PELI2: variants seen among roughly 807,000 people sequenced by gnomAD.
PELI2 encodes E3 ubiquitin-protein ligase pellino homolog 2.
In PELI2, 23 loss-of-function variants were observed where a neutral mutation model predicts 42.3. That is an observed-to-expected ratio of 0.54 (90% CI 0.39 to 0.77). The LOEUF (loss-of-function observed/expected upper bound fraction) is 0.77. PELI2 is among the 30% of genes least tolerant of loss of function. The probability of loss-of-function intolerance (pLI) is 0.00; values close to 1 mark genes in which losing one functional copy is unlikely to be tolerated. For missense variants in PELI2, 463 were observed against 553.2 expected (o/e 0.84, Z 1.64); for synonymous variants, 245 against 212.2 (o/e 1.15, Z -1.34).
intron 2 of PELI2, among the ~76,000 whole-genome samples, chr14:56,231,087 A>G (rs1279450852): frequency 6.6e-6 from 1 of 152,230 alleles, no homozygotes; most frequent in African/African-American, 2.4e-5. Context: ...CCAATATAAG[A>G]GCACCCAGAT....
At chr14:56,183,753 T>A (rs1885672520) in intron 2 of PELI2, among the ~76,000 whole-genome samples, 1 of 152,206 alleles carries the variant, frequency 6.6e-6, no homozygotes, top group Non-Finnish European at 1.5e-5. Flanking sequence ...TTTTATTGAT[T>A]TCATGAAGCT....
At chr14:56,182,007 G>A (rs1177479214) in intron 2 of PELI2, among the ~76,000 whole-genome samples, 4 of 152,086 alleles carry the variant, frequency 2.6e-5, no homozygotes, top group Non-Finnish European at 4.4e-5. Context: ...ATCATGCCAG[G>A]TATTGGATAT....
At chr14:56,153,589 G>A (rs543953976) in intron 1 of PELI2, among the ~76,000 whole-genome samples, 147 of 152,196 alleles carry the variant, frequency 9.7e-4, no homozygotes, top group Non-Finnish European at 1.8e-3. Context: ...AATTACATGA[G>A]TTAAAAATTT....
At chr14:56,191,607 G>A (rs1034709337) in intron 2 of PELI2, among the ~76,000 whole-genome samples, 3 of 152,270 alleles carry the variant, frequency 2.0e-5, no homozygotes, top group African/African-American at 7.2e-5. Flanking sequence ...AAAGGGTGTT[G>A]CTAGTACCCA....
intron 2 of PELI2, among the ~76,000 whole-genome samples, chr14:56,256,846 T>A (rs1888542627): frequency 6.6e-6 from 1 of 152,194 alleles, no homozygotes; most frequent in Non-Finnish European, 1.5e-5. Context: ...CTTTTTAGAA[T>A]GTATGTAGGC....
intron 3 of PELI2, among the ~76,000 whole-genome samples, chr14:56,286,299 T>A (rs903713260): frequency 1.2e-4 from 18 of 152,182 alleles, no homozygotes; most frequent in Non-Finnish European, 2.2e-4. Flanking sequence ...CAATATTTCA[T>A]CCTTATCCCA....
At chr14:56,221,956 G>A (rs2139750930) in intron 2 of PELI2, among the ~76,000 whole-genome samples, 1 of 152,220 alleles carries the variant, frequency 6.6e-6, no homozygotes, top group Admixed American at 6.5e-5. Flanking sequence ...CCTCTTGCCA[G>A]CCTCGAAGAG....
intron 1 of PELI2, among the ~76,000 whole-genome samples, chr14:56,120,918 G>A (rs1883037151): frequency 6.6e-6 from 1 of 152,080 alleles, no homozygotes; most frequent in Admixed American, 6.5e-5. Context: ...CTTTTTTCGA[G>A]GGTAGGTTTC....
At chr14:56,268,423 T>C (rs1177399793) in intron 2 of PELI2, among the ~76,000 whole-genome samples, 3 of 152,194 alleles carry the variant, frequency 2.0e-5, no homozygotes, top group Non-Finnish European at 2.9e-5. Context: ...TAGATAGATA[T>C]CTCCTTACAA....
chr14:56,274,043 G>A (rs946287858), intron 2 of PELI2, among the ~76,000 whole-genome samples: 44 of 152,120 alleles, frequency 2.9e-4, no homozygotes, highest in African/African-American at 9.7e-4. Flanking sequence ...GTCTCTCTCA[G>A]TGTCTCTCAT....
chr14:56,266,687 C>T (rs914665409), intron 2 of PELI2, among the ~76,000 whole-genome samples: 1 of 151,956 alleles, frequency 6.6e-6, no homozygotes, highest in African/African-American at 2.4e-5. Context: ...CAATAACTAT[C>T]AATATCAGAA....
intron 1 of PELI2, among the ~76,000 whole-genome samples, chr14:56,123,554 T>C (rs1375558261): frequency 6.6e-6 from 1 of 152,216 alleles, no homozygotes; most frequent in East Asian, 1.9e-4. Flanking sequence ...AACTTTAGCC[T>C]TGTTTGGAAT....
intron 1 of PELI2, among the ~76,000 whole-genome samples, chr14:56,140,635 C>A (rs1343397384): frequency 6.6e-6 from 1 of 152,218 alleles, no homozygotes; most frequent in Non-Finnish European, 1.5e-5. Context: ...GGATGTTTGT[C>A]AACTTCTCCT....
Position 56,288,745 on chromosome 14 carries a change from T to C in PELI2, c.507+111T>C, listed in dbSNP as rs1275019108. On this transcript the variant is annotated intron_variant, in intron 4 of 5. Coordinates refer to ENST00000267460, the MANE Select transcript of PELI2 (RefSeq NM_021255.3). The surrounding 1 kb of genome is among the most constrained non-coding windows in gnomAD (Gnocchi z 4.6). ...GCTTTGTATGTTGCCTCTAGTGAGA[T>C]TTTGAGATTTTAGTTTTCAGGTGGC... 1 of 745,180 alleles carries C rather than the reference T, an allele frequency of 1.3e-6. No homozygotes were observed. Among genetic ancestry groups the C allele is most frequent in the African/African-American group, 1.8e-5 (1 of 56,472 alleles). 46.2% of individuals were successfully genotyped at this position (745,180 alleles called of 1,614,324 possible). A position where few individuals can be genotyped will look rare whatever the true frequency, so the allele number is the denominator to read the frequency against.
chr14:56,199,345 G>A (rs1467186810), intron 2 of PELI2, among the ~76,000 whole-genome samples: 1 of 152,170 alleles, frequency 6.6e-6, no homozygotes, highest in Non-Finnish European at 1.5e-5. Context: ...GTTTATACAA[G>A]AGACGGTCTG....
chr14:56,163,014 TA>T (rs1339801409), intron 1 of PELI2, among the ~76,000 whole-genome samples: 5 of 152,194 alleles, frequency 3.3e-5, no homozygotes, highest in Admixed American at 6.5e-5. Context: ...AGAATAGTTT[TA>T]AAATATTTTC....
chr14:56,279,083 C>T (rs1377571668), intron 2 of PELI2, among the ~76,000 whole-genome samples: 2 of 152,140 alleles, frequency 1.3e-5, no homozygotes, highest in Non-Finnish European at 2.9e-5. Context: ...TTGCTAGTTA[C>T]CTTATTTATT....
In PELI2 at chr14:56,118,677, A is replaced by G. The variant is rs1487533003; in HGVS notation, c.17A>G (p.Gln6Arg). 1.3e-6 allele frequency: 2 copies of G among 1,500,198 alleles called. No individual in the cohort carries two copies. Among genetic ancestry groups the G allele is most frequent in the Non-Finnish European group, 1.8e-6 (2 of 1,123,468 alleles). The allele number at this position is 1,500,198 out of a possible 1,614,324, so 92.9% of individuals were successfully genotyped here. The change falls in exon 1 of 6, where the codon CAG (glutamine) becomes CGG (arginine). Residue 6 changes from glutamine (Q) to arginine (R), a missense_variant. Gln to Arg is a conservative substitution (Grantham distance 43). Coordinates refer to ENST00000267460, the MANE Select transcript of PELI2 (RefSeq NM_021255.3). Reference sequence around the variant, plus strand: ...CGGGGCTCCATGTTTTCCCCTGGCCAGGAGGAACACTGCGCCCCCAATAAG... The same window carrying G: ...CGGGGCTCCATGTTTTCCCCTGGCCGGGAGGAACACTGCGCCCCCAATAAG... The part of the protein sequence containing the change: MFSPG[Q>R]EEHCAPNKEP...
intron 2 of PELI2, among the ~76,000 whole-genome samples, chr14:56,199,732 A>G (rs1886264192): frequency 6.6e-6 from 1 of 152,242 alleles, no homozygotes; most frequent in African/African-American, 2.4e-5. Flanking sequence ...GGTAAATTAA[A>G]ATCTGTAAAT....
Sources: gnomAD v4.1 joint callset for allele counts (sites outside exome capture counted in the v4.1 genomes callset) on GRCh38, gnomAD v4.1.1 for gene constraint, Gnocchi (gnomAD v3.1) non-coding constraint, MANE v1.5 for transcripts, NCBI Gene and HGNC (gene_info 2026-07-23, HGNC 2026-07-21) for gene names.